The following MAML2 variants were observed in gnomAD, a reference collection of about 807,000 sequenced individuals.
MAML2 encodes mastermind-like protein 2.
In MAML2, 22 loss-of-function variants were observed where a neutral mutation model predicts 96.1. The observed-to-expected ratio is 0.23, with a 90% CI of 0.16 to 0.33. MAML2 has a LOEUF of 0.33. MAML2 is among the 10% of genes least tolerant of loss of function. The pLI, the probability that MAML2 is intolerant of heterozygous loss-of-function variation, is 1.00. For synonymous variants in MAML2, 561 were observed against 521.3 expected (o/e 1.08, Z -1.04); for missense variants, 1,367 against 1,392.4 (o/e 0.98, Z 0.29).
intron 1 of MAML2, among the ~76,000 whole-genome samples, chr11:96,173,707 C>T (rs953782739): frequency 6.6e-6 from 1 of 152,178 alleles, no homozygotes; most frequent in African/African-American, 2.4e-5. Flanking sequence ...TGGCAGAGGC[C>T]ACAGGGGCGT....
chr11:96,101,180 T>A (rs1859923487), intron 1 of MAML2, among the ~76,000 whole-genome samples: 1 of 152,224 alleles, frequency 6.6e-6, no homozygotes, highest in Non-Finnish European at 1.5e-5. Flanking sequence ...AGCTCTCCTG[T>A]ATTCAAAATT....
At position 95,979,966 on chromosome 11, in the gene MAML2, GA is replaced by G. The variant is rs766761219; in HGVS notation, c.2456-4del. ...TAAGCTTATTGTGGATGAGCCACCTGAGAAAAAGAAGAGAATTTTATTAGTT... is the reference window on the plus strand; with the variant it reads ...TAAGCTTATTGTGGATGAGCCACCTGGAAAAAGAAGAGAATTTTATTAGTT... On this transcript the variant is annotated splice_polypyrimidine_tract_variant and splice_region_variant and intron_variant, in intron 4 of 4. Transcript: ENST00000524717. The G allele has an allele frequency of 7.5e-6, 12 of 1,602,416 alleles. No individual in the cohort carries two copies. The African/African-American group carries it at 9.4e-5, about 13-fold the overall frequency.
chr11:96,253,984 C>T (rs1245896634), intron 1 of MAML2, among the ~76,000 whole-genome samples: 1 of 152,118 alleles, frequency 6.6e-6, no homozygotes, highest in African/African-American at 2.4e-5. Context: ...GAAGTCTTTG[C>T]AAAGGTATAT....
intron 1 of MAML2, among the ~76,000 whole-genome samples, chr11:96,293,352 C>A (rs1418549763): frequency 6.6e-6 from 1 of 152,090 alleles, no homozygotes; most frequent in Non-Finnish European, 1.5e-5. Flanking sequence ...TCACTGTAAT[C>A]AGATCTTACA....
intron 1 of MAML2, among the ~76,000 whole-genome samples, chr11:96,255,811 C>T (rs1188307443): frequency 6.7e-6 from 1 of 150,058 alleles, no homozygotes; most frequent in East Asian, 2.0e-4. Context: ...CCCTGGACAG[C>T]TTATTGCTTA....
chr11:96,108,045 T>C (rs1260522888), intron 1 of MAML2, among the ~76,000 whole-genome samples: 1 of 152,210 alleles, frequency 6.6e-6, no homozygotes, highest in African/African-American at 2.4e-5. Flanking sequence ...CCCCAATTTA[T>C]AGCTTGTCGG....
chr11:96,252,703 G>T (rs1565263252), intron 1 of MAML2, among the ~76,000 whole-genome samples: 1 of 152,182 alleles, frequency 6.6e-6, no homozygotes, highest in Admixed American at 6.5e-5. Context: ...ATCTTCAGAT[G>T]AGGCACCTGA....
chr11:96,062,992 A>G (rs1859190414), intron 2 of MAML2, among the ~76,000 whole-genome samples: 1 of 152,210 alleles, frequency 6.6e-6, no homozygotes, highest in African/African-American at 2.4e-5. Context: ...ATTTTAGGAT[A>G]AAACCCAAAA....
At chr11:96,233,122 A>AAG (rs1555027567) in intron 1 of MAML2, among the ~76,000 whole-genome samples, 1 of 151,814 alleles carries the variant, frequency 6.6e-6, no homozygotes, top group African/African-American at 2.4e-5. Flanking sequence ...GCAAACAAAG[A>AAG]AAAAACAATA....
chr11:96,074,496 T>C (rs936331373), intron 2 of MAML2, among the ~76,000 whole-genome samples: 1 of 152,252 alleles, frequency 6.6e-6, no homozygotes, highest in Non-Finnish European at 1.5e-5. Flanking sequence ...AAGATTCATG[T>C]CTTCAATAGA....
intron 2 of MAML2, among the ~76,000 whole-genome samples, chr11:96,083,337 GA>G (rs1207983340): frequency 1.3e-5 from 2 of 152,030 alleles, no homozygotes; most frequent in Non-Finnish European, 2.9e-5. Context: ...CAGGATGAGA[GA>G]AAAAAAGTCA....
Position 95,991,739 on chromosome 11 carries a change from G to A in MAML2, c.2140-16C>T, listed in dbSNP as rs199892850. The A allele has an allele frequency of 6.2e-7, 1 of 1,606,234 alleles. No homozygotes were observed. ...AGTGTTGATCCTAAAGAAGAGAAAGGGGGAAGGAAAAGCTACTGTGAATTA... is the reference window on the plus strand; with the variant it reads ...AGTGTTGATCCTAAAGAAGAGAAAGAGGGAAGGAAAAGCTACTGTGAATTA... On this transcript the variant is annotated splice_polypyrimidine_tract_variant and intron_variant, in intron 2 of 4. Coordinates refer to ENST00000524717, the MANE Select transcript of MAML2 (RefSeq NM_032427.4).
chr11:96,167,295 T>A (rs1276830749), intron 1 of MAML2, among the ~76,000 whole-genome samples: 1 of 150,384 alleles, frequency 6.6e-6, no homozygotes, highest in Non-Finnish European at 1.5e-5. Context: ...GCCTGTGCGG[T>A]AGCTCAGACC....
At chr11:96,231,933 T>C (rs1299024343) in intron 1 of MAML2, among the ~76,000 whole-genome samples, 2 of 152,212 alleles carry the variant, frequency 1.3e-5, no homozygotes, top group Admixed American at 6.5e-5. Context: ...CTGATGCCTC[T>C]AACTAAACTC....
chr11:96,338,272 A>G (rs1222392908), intron 1 of MAML2, among the ~76,000 whole-genome samples: 1 of 152,258 alleles, frequency 6.6e-6, no homozygotes, highest in East Asian at 1.9e-4. Flanking sequence ...GTGGTTAGAA[A>G]TGCAGATCTG....
chr11:96,230,756 A>T (rs1301579363), intron 1 of MAML2, among the ~76,000 whole-genome samples: 1 of 152,230 alleles, frequency 6.6e-6, no homozygotes, highest in Non-Finnish European at 1.5e-5. Flanking sequence ...TCCTCAGGAA[A>T]TGAGGGAACA....
chr11:95,986,130 G>C lies in MAML2; in HGVS notation c.2344-488C>G, dbSNP rs561030030. On this transcript the variant is annotated intron_variant, in intron 3 of 4. Coordinates refer to ENST00000524717, the MANE Select transcript of MAML2 (RefSeq NM_032427.4). The stretch of plus-strand genomic sequence containing the variant: ...CGTAGAATTCTGGTCCCACACAGTG[G>C]GGAAAGCATAGGAGGTAGGGTTTTC... Among the ~76,000 whole-genome samples, 21 of 152,262 alleles carry C rather than the reference G, an allele frequency of 1.4e-4. No individual in the cohort carries two copies. In the East Asian group the frequency reaches 3.5e-3, roughly 25 times the overall value.
chr11:96,257,701 G>GAAA (rs35888044), intron 1 of MAML2, among the ~76,000 whole-genome samples: 50 of 151,180 alleles, frequency 3.3e-4, no homozygotes, highest in African/African-American at 1.2e-3. Context: ...AACTTGGAAT[G>GAAA]AAAAAAAAAC....
chr11:96,002,242 T>C (rs1350808554), intron 2 of MAML2, among the ~76,000 whole-genome samples: 2 of 152,184 alleles, frequency 1.3e-5, no homozygotes, highest in East Asian at 3.8e-4. Context: ...ATAGATGTTT[T>C]CTGAATTAAA....
Sources: gnomAD v4.1 joint callset for allele counts (sites outside exome capture counted in the v4.1 genomes callset) on GRCh38, gnomAD v4.1.1 for gene constraint, MANE v1.5 for transcripts, NCBI Gene and HGNC (gene_info 2026-07-23, HGNC 2026-07-21) for gene names.